The following ADAM23 variants were observed in gnomAD, a reference collection of about 807,000 sequenced individuals.
ADAM23 encodes disintegrin and metalloproteinase domain-containing protein 23.
Under a neutral mutation model 120.1 loss-of-function variants are expected in ADAM23, and 33 were observed. The observed-to-expected ratio is 0.27, with a 90% CI of 0.21 to 0.37. ADAM23 has a LOEUF of 0.37. ADAM23 is among the 10% of genes least tolerant of loss of function. The pLI, the probability that ADAM23 is intolerant of heterozygous loss-of-function variation, is 1.00. For missense variants in ADAM23, 862 were observed against 1,058.2 expected (o/e 0.81, Z 2.57); for synonymous variants, 367 against 375.2 (o/e 0.98, Z 0.25).
intron 2 of ADAM23, among the ~76,000 whole-genome samples, chr2:206,453,110 C>T (rs1460459410): frequency 6.6e-6 from 1 of 152,222 alleles, no homozygotes. Context: ...TGCTTTCCTT[C>T]TTACACCACA....
Position 206,592,647 on chromosome 2 carries a change from C to G in ADAM23, c.1989C>G (p.Thr663=), listed in dbSNP as rs145253247. 6.2e-5 allele frequency: 100 copies of G among 1,613,766 alleles called. No individual in the cohort carries two copies. The highest frequency in any genetic ancestry group is 7.1e-5 in the Non-Finnish European group (84 of 1,179,922). The change falls in exon 22 of 26, where the codon ACC becomes ACG. Residue 663 remains threonine, a synonymous_variant. Coordinates refer to ENST00000264377, the MANE Select transcript of ADAM23 (RefSeq NM_003812.4). ...HDVFCGFLLC[T]NLTRAPRIGQ... is the part of the protein sequence containing the mutation. Reference sequence around the variant, plus strand: ...TGTTCTGTGGATTCTTACTCTGTACCAATCTTACTCGAGCTCCACGTATTG... The same window carrying G: ...TGTTCTGTGGATTCTTACTCTGTACGAATCTTACTCGAGCTCCACGTATTG...
chr2:206,466,298 G>A (rs938985742), intron 2 of ADAM23, among the ~76,000 whole-genome samples: 1 of 152,178 alleles, frequency 6.6e-6, no homozygotes, highest in African/African-American at 2.4e-5. Context: ...TAACATGTAT[G>A]TGCAAGACAT....
intron 7 of ADAM23, 112 bp from the exon 8 acceptor site, chr2:206,548,169 C>T (rs1697438035): frequency 1.1e-6 from 1 of 905,344 alleles, no homozygotes; most frequent in Admixed American, 2.4e-5. Flanking sequence ...TGCTTTTTTT[C>T]ACCTTAGTTT....
At chr2:206,445,591 C>A in intron 2 of ADAM23, 67 bp downstream of exon 2, 1 of 1,391,100 alleles carries the variant, frequency 7.2e-7, no homozygotes, top group Non-Finnish European at 9.9e-7. Context: ...TGATTTTCTG[C>A]CAGAATCTGA....
chr2:206,551,984 T>G (rs1392748457), intron 9 of ADAM23, among the ~76,000 whole-genome samples: 1 of 152,308 alleles, frequency 6.6e-6, no homozygotes, highest in South Asian at 2.1e-4. Context: ...GGCTAAAATA[T>G]GAGTTTCTGA....
chr2:206,483,198 G>A (rs1371107860), intron 3 of ADAM23, among the ~76,000 whole-genome samples: 1 of 152,170 alleles, frequency 6.6e-6, no homozygotes, highest in Admixed American at 6.5e-5. Context: ...GCTCCATGTG[G>A]ATAACAAGGC....
chr2:206,532,543 A>G (rs987018833), intron 4 of ADAM23, among the ~76,000 whole-genome samples: 2 of 152,100 alleles, frequency 1.3e-5, no homozygotes, highest in African/African-American at 4.8e-5. Context: ...ATTTTCTTCA[A>G]ACAGCTCATA....
chr2:206,612,697 T>A (rs1448359787), intron 25 of ADAM23, among the ~76,000 whole-genome samples: 1 of 152,248 alleles, frequency 6.6e-6, no homozygotes, highest in African/African-American at 2.4e-5. Flanking sequence ...AATACAGCTA[T>A]GCTCTAAGCC....
chr2:206,615,859 T>G (rs546840542), intron 25 of ADAM23, among the ~76,000 whole-genome samples: 9 of 152,330 alleles, frequency 5.9e-5, no homozygotes, highest in African/African-American at 2.2e-4. Flanking sequence ...CTATCTCCAT[T>G]TAAAAGTGGA....
At chr2:206,446,979 A>G (rs1695094372) in intron 2 of ADAM23, among the ~76,000 whole-genome samples, 1 of 152,204 alleles carries the variant, frequency 6.6e-6, no homozygotes, top group Non-Finnish European at 1.5e-5. Context: ...TTAGTTCTCA[A>G]ACTCCAGCAC....
In ADAM23 at chr2:206,549,385, A is replaced by AAGATCACAT. The variant is rs1484801704; in HGVS notation, c.868-708_868-707insATCACATAG. Among the ~76,000 whole-genome samples the AAGATCACAT allele has an allele frequency of 8.6e-5, 13 of 151,968 alleles. No homozygotes were observed. In the East Asian group the frequency reaches 2.3e-3, roughly 27 times the overall value. On this transcript the variant is annotated intron_variant, in intron 8 of 25. Transcript: ENST00000264377. ...CCTACAGTCCACCTCATCAAATATAAAGTGATCAATGACTATGTACATAAA... is the reference window on the plus strand; with the variant it reads ...CCTACAGTCCACCTCATCAAATATAAAGATCACATAGTGATCAATGACTATGTACATAAA...
At position 206,620,215 on chromosome 2, in the gene ADAM23, C is replaced by T. The variant is rs976386245; in HGVS notation, c.*2588C>T. On this transcript the variant is annotated 3_prime_UTR_variant, in exon 26 of 26. Transcript: ENST00000264377. Reference sequence around the variant, plus strand: ...TTTCACAAACAACATTGTAAATGTGCGATGTTACGTTTTAAATCAGACCAC... The same window carrying T: ...TTTCACAAACAACATTGTAAATGTGTGATGTTACGTTTTAAATCAGACCAC... 6.6e-6 allele frequency: 1 copy of T among 152,096 alleles called. No homozygotes were observed. Among genetic ancestry groups the T allele is most frequent in the African/African-American group, 2.4e-5 (1 of 41,408 alleles). The allele number at this position is 152,096 out of a possible 1,614,324, so 9.4% of individuals were successfully genotyped here. A position where few individuals can be genotyped will look rare whatever the true frequency, so the allele number is the denominator to read the frequency against.
chr2:206,565,986 A>G (rs1390527815), intron 14 of ADAM23, among the ~76,000 whole-genome samples: 1 of 152,110 alleles, frequency 6.6e-6, no homozygotes, highest in African/African-American at 2.4e-5. Flanking sequence ...ATTTCTAGAA[A>G]TAGAGTTTAA....
chr2:206,617,737 A>G lies in ADAM23; in HGVS notation c.*110A>G. On this transcript the variant is annotated 3_prime_UTR_variant, in exon 26 of 26. Coordinates refer to ENST00000264377, the MANE Select transcript of ADAM23 (RefSeq NM_003812.4). ...TTTGTAAACAAAACCTTTGGGTGGT[A>G]ATGACTACGGAGCTAAAGTTGGGGT... 5 of 1,542,058 alleles carry G rather than the reference A, an allele frequency of 3.2e-6. No homozygotes were observed. Among genetic ancestry groups the G allele is most frequent in the Non-Finnish European group, 4.4e-6 (5 of 1,145,222 alleles).
rs539542955 is a variant in ADAM23, at chr2:206,500,483, A to G, written c.509+19175A>G. 1.6e-4 allele frequency among the ~76,000 whole-genome samples: 25 copies of G among 152,250 alleles called. 2 individuals are homozygous for G. In the South Asian group the frequency reaches 4.4e-3, roughly 27 times the overall value. On this transcript the variant is annotated intron_variant, in intron 3 of 25. Transcript: ENST00000264377. The stretch of plus-strand genomic sequence containing the variant: ...AAACAAAACCTTGTATATTAGTAAG[A>G]TTTATCTCTATCTCAGCGGTGAATG...
chr2:206,484,459 T>C (rs1235773416), intron 3 of ADAM23, among the ~76,000 whole-genome samples: 1 of 152,134 alleles, frequency 6.6e-6, no homozygotes, highest in Non-Finnish European at 1.5e-5. Context: ...AAAATTGGAG[T>C]GCTTTGTCAC....
intron 2 of ADAM23, among the ~76,000 whole-genome samples, chr2:206,480,325 G>A (rs1695870631): frequency 6.6e-6 from 1 of 152,144 alleles, no homozygotes; most frequent in South Asian, 2.1e-4. Context: ...GTGTGTTCAT[G>A]CTGGTGTCCA....
In ADAM23 at chr2:206,571,722, T is replaced by C; in HGVS notation, c.1567-5T>C. On this transcript the variant is annotated splice_region_variant and splice_polypyrimidine_tract_variant and intron_variant, in intron 16 of 25. Transcript: ENST00000264377. ...TCGCTTACTCACGTGAAGTGTTTTCTCTAGGAATGCTATGGATTATGCTGT... is the reference window on the plus strand; with the variant it reads ...TCGCTTACTCACGTGAAGTGTTTTCCCTAGGAATGCTATGGATTATGCTGT... The C allele has an allele frequency of 6.2e-7, 1 of 1,613,382 alleles. No homozygotes were observed. The highest frequency in any genetic ancestry group is 2.2e-5 in the East Asian group (1 of 44,870).
intron 4 of ADAM23, among the ~76,000 whole-genome samples, chr2:206,538,646 T>C (rs1697230295): frequency 6.6e-6 from 1 of 152,204 alleles, no homozygotes; most frequent in Non-Finnish European, 1.5e-5. Context: ...GATGGAACTT[T>C]ACCATGCAGA....
Sources: gnomAD v4.1 joint callset for allele counts (sites outside exome capture counted in the v4.1 genomes callset) on GRCh38, gnomAD v4.1.1 for gene constraint, MANE v1.5 for transcripts, NCBI Gene and HGNC (gene_info 2026-07-23, HGNC 2026-07-21) for gene names.